MAN1C1: variants seen among roughly 807,000 people sequenced by gnomAD.
The protein encoded by MAN1C1 is mannosyl-oligosaccharide 1,2-alpha-mannosidase IC.
Under a neutral mutation model 71.5 loss-of-function variants are expected in MAN1C1, and 49 were observed. The ratio of observed to expected loss-of-function variants is 0.69; its 90% CI spans 0.54 to 0.87. The LOEUF (loss-of-function observed/expected upper bound fraction) is 0.87, where lower values mean the gene tolerates loss of function less well. Among genes scored for constraint, MAN1C1 ranks in the 40% least tolerant of loss-of-function variants. The pLI is 0.00. For missense variants in MAN1C1, 743 were observed against 835.0 expected, an observed-to-expected ratio of 0.89 and a Z score of 1.36; for synonymous variants, 352 against 343.7, an observed-to-expected ratio of 1.02 and a Z score of -0.27.
At chr1:25,718,262 A>G (rs1237085380) in intron 2 of MAN1C1, among the ~76,000 whole-genome samples, 2 of 152,030 alleles carry the variant, frequency 1.3e-5, no homozygotes, top group Non-Finnish European at 2.9e-5. Context: ...TACCTGTGTA[A>G]ACCTCCTCAC....
intron 3 of MAN1C1, among the ~76,000 whole-genome samples, chr1:25,747,371 A>C (rs2047144816): frequency 6.6e-6 from 1 of 152,236 alleles, no homozygotes; most frequent in Non-Finnish European, 1.5e-5. Flanking sequence ...TGGATGGCAC[A>C]ACAGCCTTGA....
chr1:25,758,673 C>T lies in MAN1C1; in HGVS notation c.1011C>T (p.Leu337=), dbSNP rs144613520. 41 of 1,614,168 alleles carry T rather than the reference C, an allele frequency of 2.5e-5. No individual in the cohort carries two copies. In the African/African-American group the frequency reaches 5.2e-4, roughly 20 times the overall value. ...CCCTGCACTTGGAATTCTTACACCT[C>T]ACTGAACTCTCTGGCAACCAGGTCT... ...FGSLHLEFLH[L]TELSGNQVFA... Residue 337 remains leucine, a synonymous_variant, in exon 6 of 12, where the codon CTC becomes CTT. Transcript: ENST00000374332.
intron 7 of MAN1C1, among the ~76,000 whole-genome samples, chr1:25,770,644 A>G (rs1356300857): frequency 3.9e-5 from 6 of 152,172 alleles, no homozygotes; most frequent in Non-Finnish European, 7.3e-5. Context: ...TATAAATAAT[A>G]CATTGAGGCT....
At chr1:25,714,145 G>A (rs1484582927) in intron 2 of MAN1C1, among the ~76,000 whole-genome samples, 2 of 152,130 alleles carry the variant, frequency 1.3e-5, no homozygotes, top group African/African-American at 4.8e-5. Flanking sequence ...TGTCATATGG[G>A]CGAAATCTGA....
intron 2 of MAN1C1, among the ~76,000 whole-genome samples, chr1:25,739,581 T>C (rs2047031039): frequency 2.0e-5 from 3 of 151,982 alleles, no homozygotes; most frequent in Admixed American, 2.0e-4. Flanking sequence ...TATGGCAGAG[T>C]CAGCAGGGTG....
intron 1 of MAN1C1, among the ~76,000 whole-genome samples, chr1:25,635,475 A>C (rs2045445244): frequency 7.0e-6 from 1 of 142,392 alleles, no homozygotes; most frequent in Non-Finnish European, 1.5e-5. Context: ...TGTGAGACAG[A>C]GTCTCACTCT....
chr1:25,753,394 TG>T lies in MAN1C1; in HGVS notation c.835-84del. 1.1e-5 allele frequency: 10 copies of T among 929,202 alleles called. No homozygotes were observed. The highest frequency in any genetic ancestry group is 1.7e-5 in the African/African-American group (1 of 59,924). The allele number at this position is 929,202 out of a possible 1,614,324, so 57.6% of individuals were successfully genotyped here. On this transcript the variant is annotated intron_variant, in intron 4 of 11. Transcript: ENST00000374332. The surrounding 1 kb of genome is among the most constrained non-coding windows in gnomAD (Gnocchi z 4.9). ...GCCCCCTACTCTAGACCTGCAGCCC[TG>T]GGGGGTTCATCCTGCCTGCAGCAGT...
intron 2 of MAN1C1, among the ~76,000 whole-genome samples, chr1:25,698,964 A>AG (rs35019426): frequency 1.3e-5 from 2 of 150,106 alleles, no homozygotes; most frequent in East Asian, 3.9e-4. Context: ...AAAAAAAAAA[A>AG]GCTTCTTGGG....
In MAN1C1 at chr1:25,778,106, C is replaced by T. The variant is rs755475952; in HGVS notation, c.1259C>T (p.Ala420Val). 1.9e-6 allele frequency: 3 copies of T among 1,549,362 alleles called. No individual in the cohort carries two copies. Among genetic ancestry groups the T allele is most frequent in the Non-Finnish European group, 2.6e-6 (3 of 1,142,904 alleles). ...GCCCAATCCCCACCTTGCTCCCAGG[C>T]GATAGAGACCTACTTGCTGAATGTC... is the stretch of plus-strand genomic sequence containing the variant. ...AKNMYYEALEAIETYLLNVSP... is the reference protein window; with the variant it reads ...AKNMYYEALEVIETYLLNVSP... The change falls in exon 9 of 12, where the codon GCG (alanine) becomes GTG (valine). Residue 420 changes from alanine to valine, a missense_variant and splice_region_variant. Coordinates refer to ENST00000374332, the MANE Select transcript of MAN1C1 (RefSeq NM_020379.4). This position sits in a 1 kb window ranked among gnomAD's most constrained non-coding sequence, Gnocchi z 5.5.
chr1:25,759,987 T>C (rs1237517864), intron 6 of MAN1C1: 3 of 152,230 alleles, frequency 2.0e-5, no homozygotes, highest in South Asian at 2.1e-4. Context: ...TCAACCTCAC[T>C]TCCTGGTAGC....
chr1:25,747,669 G>A (rs2047149200), intron 3 of MAN1C1, among the ~76,000 whole-genome samples: 1 of 152,144 alleles, frequency 6.6e-6, no homozygotes. Flanking sequence ...GAGAGAGTCT[G>A]GGAGAGCCTG....
At chr1:25,692,242 C>G (rs1252734025) in intron 2 of MAN1C1, among the ~76,000 whole-genome samples, 1 of 152,170 alleles carries the variant, frequency 6.6e-6, no homozygotes, top group Non-Finnish European at 1.5e-5. Flanking sequence ...CCCATCATGG[C>G]CAAGTCACCA....
At chr1:25,714,801 C>T in intron 2 of MAN1C1, among the ~76,000 whole-genome samples, 1 of 152,112 alleles carries the variant, frequency 6.6e-6, no homozygotes, top group East Asian at 1.9e-4. Flanking sequence ...GAGTTAATGC[C>T]ACAAGCTGGT....
intron 2 of MAN1C1, among the ~76,000 whole-genome samples, chr1:25,737,934 G>C (rs992236786): frequency 6.6e-6 from 1 of 152,150 alleles, no homozygotes; most frequent in Non-Finnish European, 1.5e-5. Flanking sequence ...AAAGAGAGCA[G>C]GACAAGAGGT....
chr1:25,708,755 G>A (rs908549296), intron 2 of MAN1C1, among the ~76,000 whole-genome samples: 13 of 152,126 alleles, frequency 8.5e-5, no homozygotes, highest in Admixed American at 1.3e-4. Flanking sequence ...CAGTTGCTGC[G>A]CTCCTGTAAT....
intron 2 of MAN1C1, among the ~76,000 whole-genome samples, chr1:25,722,292 T>G (rs1026647350): frequency 2.0e-5 from 3 of 152,346 alleles, no homozygotes; most frequent in African/African-American, 7.2e-5. Context: ...GGGAAATTAA[T>G]GGACCTTCTC....
intron 5 of MAN1C1, among the ~76,000 whole-genome samples, chr1:25,755,471 G>A (rs538099820): frequency 1.3e-5 from 2 of 152,168 alleles, no homozygotes; most frequent in Non-Finnish European, 1.5e-5. Context: ...ATTCACAAAC[G>A]AATATCCATT....
At position 25,776,223 on chromosome 1, in the gene MAN1C1, T is replaced by C. The variant is rs932657941; in HGVS notation, c.1258-1882T>C. ...ACCCCTGCATTTTTTAATCTCATCCTCTCACTTTGTTTTATTCAAAATGCT... is the reference window on the plus strand; with the variant it reads ...ACCCCTGCATTTTTTAATCTCATCCCCTCACTTTGTTTTATTCAAAATGCT... On this transcript the variant is annotated intron_variant, in intron 8 of 11. Transcript: ENST00000374332. This position sits in a 1 kb window ranked among gnomAD's most constrained non-coding sequence, Gnocchi z 4.3. 6.6e-6 allele frequency among the ~76,000 whole-genome samples: 1 copy of C among 151,452 alleles called. No individual in the cohort carries two copies. The highest frequency in any genetic ancestry group is 1.5e-5 in the Non-Finnish European group (1 of 67,876).
intron 1 of MAN1C1, among the ~76,000 whole-genome samples, chr1:25,657,889 C>T (rs909446478): frequency 6.6e-6 from 1 of 152,206 alleles, no homozygotes; most frequent in Non-Finnish European, 1.5e-5. Context: ...GGATATGAAC[C>T]CCAGGCTGAG....
Sources: allele counts gnomAD v4.1 joint callset (sites outside exome capture counted in the v4.1 genomes callset), GRCh38; gene constraint gnomAD v4.1.1; non-coding constraint Gnocchi (gnomAD v3.1); transcripts MANE v1.5; gene names NCBI Gene and HGNC (gene_info 2026-07-23, HGNC 2026-07-21).